Variants in BRD2 observed in about 807,000 individuals in gnomAD.
The protein encoded by BRD2 is bromodomain-containing protein 2.
BRD2 carries 15 observed loss-of-function variants against 79.1 expected under a neutral mutation model. The observed-to-expected ratio is 0.19, with a 90% confidence interval of 0.13 to 0.29. The LOEUF (loss-of-function observed/expected upper bound fraction) is 0.29. Ranked by LOEUF, BRD2 falls within the 10% of genes least tolerant of loss-of-function variation. The probability of loss-of-function intolerance (pLI) is 1.00; values close to 1 mark genes in which losing one functional copy is unlikely to be tolerated. For synonymous variants in BRD2, 488 were observed against 358.6 expected (o/e 1.36, Z -4.08); for missense variants, 1,053 against 991.3 (o/e 1.06, Z -0.84).
Position 32,980,806 on chromosome 6 carries a change from A to G in BRD2, c.*88A>G, listed in dbSNP as rs1032805988. On this transcript the variant is annotated 3_prime_UTR_variant, in exon 13 of 13. Coordinates refer to ENST00000374825, the MANE Select transcript of BRD2 (RefSeq NM_005104.4). ...ACCTGCCCCTTCCCCCTTTGCTGTG[A>G]CACTTCTTCATCTCACCCCCCCCCG... 7.3e-6 allele frequency: 11 copies of G among 1,499,640 alleles called. No individual in the cohort carries two copies. The Admixed American group carries it at 1.2e-4, about 17-fold the overall frequency. The allele number at this position is 1,499,640 out of a possible 1,614,324, so 92.9% of individuals were successfully genotyped here. A position where few individuals can be genotyped will look rare whatever the true frequency, so the allele number is the denominator to read the frequency against.
chr6:32,980,315 T>C (rs377343726), intron 11 of BRD2, 27 bp from the exon 12 acceptor site: 28 of 1,611,768 alleles, frequency 1.7e-5, no homozygotes, highest in Non-Finnish European at 2.2e-5. Flanking sequence ...GCAATCTTAA[T>C]GTATCCTGAT....
intron 12 of BRD2, 57 bp downstream of exon 12, chr6:32,980,521 CT>C: frequency 2.5e-6 from 4 of 1,612,362 alleles, no homozygotes; most frequent in South Asian, 1.1e-5. Context: ...TCTTGACTGT[CT>C]TTTATTGACA....
rs758763027 is a variant in BRD2, at chr6:32,972,866, G to C, written c.-33G>C. The C allele has an allele frequency of 5.6e-6, 9 of 1,613,942 alleles. No individual in the cohort carries two copies. The highest frequency in any genetic ancestry group is 5.9e-6 in the Non-Finnish European group (7 of 1,179,978). ...AACCGAGGCCACCCGGACTTTCCGC[G>C]GCTGAGGGCAGCGCCGGTTCCTTGC... On this transcript the variant is annotated 5_prime_UTR_variant, in exon 2 of 13. Transcript: ENST00000374825.
intron 1 of BRD2, among the ~76,000 whole-genome samples, chr6:32,969,600 G>C (rs1777766935): frequency 6.6e-6 from 1 of 152,210 alleles, no homozygotes; most frequent in African/African-American, 2.4e-5. Context: ...GTTACGCTTC[G>C]AGTCGCTTAC....
rs768036257 is a variant in BRD2, at chr6:32,980,109, G to A, written c.2123G>A (p.Arg708His). 1.7e-5 allele frequency: 28 copies of A among 1,612,088 alleles called. No homozygotes were observed. The highest frequency in any genetic ancestry group is 1.6e-4 in the Middle Eastern group (1 of 6,084). Residue 708 changes from arginine (R) to histidine (H), a missense_variant, in exon 11 of 13, where the codon CGT (arginine) becomes CAT (histidine). Coordinates refer to ENST00000374825, the MANE Select transcript of BRD2 (RefSeq NM_005104.4). ...ELERYVLSCL[R>H]KKPRKPYTIK... ...GAGCGCTATGTCCTTTCCTGCCTAC[G>A]TAAGAAACCCCGGAAGCCCTACAGT...
rs1198721077 is a variant in BRD2, at chr6:32,976,261, A to G, written c.622A>G (p.Ser208Gly). ...KGAKLAALQG[S>G]VTSAHQVPAV... ...TTCCTTTTTTCTAGCGCTCCAGGGCAGTGTTACCAGTGCCCATCAGGTGCC... is the reference window on the plus strand; with the variant it reads ...TTCCTTTTTTCTAGCGCTCCAGGGCGGTGTTACCAGTGCCCATCAGGTGCC... Residue 208 changes from serine (S) to glycine (G), a missense_variant, in exon 6 of 13, where the codon AGT becomes GGT. Transcript: ENST00000374825. 1 of 1,612,862 alleles carries G rather than the reference A, an allele frequency of 6.2e-7. No individual in the cohort carries two copies. The highest frequency in any genetic ancestry group is 8.5e-7 in the Non-Finnish European group (1 of 1,179,962).
rs576064051 is a variant in BRD2, at chr6:32,972,485, T to C, written c.-414T>C. ...GAGGCGGCGGCTCCCTAAACCACTT[T>C]TCGTGTTCATCCGCCTCCATCCGAG... On this transcript the variant is annotated 5_prime_UTR_variant, in exon 2 of 13. Transcript: ENST00000374825. 2.3e-5 allele frequency: 7 copies of C among 300,562 alleles called. No individual in the cohort carries two copies. The highest frequency in any genetic ancestry group is 1.5e-4 in the Admixed American group (3 of 20,430). 18.6% of individuals were successfully genotyped at this position (300,562 alleles called of 1,614,324 possible). A position where few individuals can be genotyped will look rare whatever the true frequency, so the allele number is the denominator to read the frequency against.
intron 7 of BRD2, chr6:32,977,215 G>A: frequency 1.3e-6 from 2 of 1,513,760 alleles, no homozygotes; most frequent in Non-Finnish European, 1.8e-6. Context: ...GGAAAAACAG[G>A]CATAGGCCAC....
In BRD2 at chr6:32,979,865, C is replaced by T; in HGVS notation, c.1879C>T (p.Leu627=). Residue 627 remains leucine (L), a synonymous_variant, in exon 11 of 13, where the codon CTG becomes TTG. Coordinates refer to ENST00000374825, the MANE Select transcript of BRD2 (RefSeq NM_005104.4). ...KKATKTAPPA[L]PTGYDSEEEE... ...GGCCACAAAGACAGCCCCACCTGCC[C>T]TGCCTACAGGTTATGATTCAGAGGA... 1 of 1,612,984 alleles carries T rather than the reference C, an allele frequency of 6.2e-7. No homozygotes were observed. The highest frequency in any genetic ancestry group is 8.5e-7 in the Non-Finnish European group (1 of 1,179,928).
rs1451591012 is a variant in BRD2 at position 32,976,426 on chromosome 6, G to C, written c.787G>C (p.Ala263Pro). 1 of 1,611,750 alleles carries C rather than the reference G, an allele frequency of 6.2e-7. No homozygotes were observed. Among genetic ancestry groups the C allele is most frequent in the Non-Finnish European group, 8.5e-7 (1 of 1,180,034 alleles). Residue 263 changes from alanine to proline, a missense_variant, in exon 6 of 13, where the codon GCT (alanine) becomes CCT (proline). Physicochemically the swap from Ala to Pro is conservative, Grantham distance 27. This residue lies in a region of BRD2 where 413 missense variants were observed against 335.1 expected (regional missense o/e 1.23). Transcript: ENST00000374825. ...SLHSAGPPLL[A>P]VTAAPPAQPL... is the part of the protein sequence containing the mutation. ...GCACTCTGCTGGACCCCCGCTCCTT[G>C]CTGTTACTGCAGCTCCTCCAGCCCA...
chr6:32,975,233 C>A, intron 3 of BRD2, 151 bp from the exon 4 acceptor site: 1 of 1,202,648 alleles, frequency 8.3e-7, no homozygotes, highest in Non-Finnish European at 1.1e-6. Context: ...TTTTGTCCCA[C>A]AGTTTAATTG....
rs1778758346 is a variant in BRD2 at position 32,976,382 on chromosome 6, C to T, written c.743C>T (p.Ser248Phe). The change falls in exon 6 of 13, where the codon TCT (serine) becomes TTT (phenylalanine). Residue 248 changes from serine to phenylalanine, a missense_variant. By Grantham distance (155) the Ser-to-Phe change is radical (BLOSUM62 -2). Around this residue, in one of 5 missense-constraint regions of BRD2, gnomAD observed 413 missense variants for 335.1 expected, o/e 1.23. Transcript: ENST00000374825. The part of the protein sequence containing the change: ...LNIPHPSVIS[S>F]PLLKSLHSAG... ...ATTCCCCACCCATCAGTCATTTCCT[C>T]TCCACTTCTCAAGTCCTTGCACTCT... is the stretch of plus-strand genomic sequence containing the variant. 1.2e-6 allele frequency: 2 copies of T among 1,613,046 alleles called. No homozygotes were observed. The highest frequency in any genetic ancestry group is 2.2e-5 in the South Asian group (2 of 91,082).
rs768201728 is a variant in BRD2 at position 32,968,747 on chromosome 6, C to T, written c.-1614C>T. The T allele has an allele frequency of 6.5e-6, 1 of 153,548 alleles. No homozygotes were observed. Among genetic ancestry groups the T allele is most frequent in the Non-Finnish European group, 1.5e-5 (1 of 68,668 alleles). 9.5% of individuals were successfully genotyped at this position (153,548 alleles called of 1,614,324 possible). A position where few individuals can be genotyped will look rare whatever the true frequency, so the allele number is the denominator to read the frequency against. ...GGGACATAGGCCTGGGCCATGCGGCCCCCTTGGCCCCTTGGCGCGACCCCC... is the reference window on the plus strand; with the variant it reads ...GGGACATAGGCCTGGGCCATGCGGCTCCCTTGGCCCCTTGGCGCGACCCCC... On this transcript the variant is annotated 5_prime_UTR_variant, in exon 1 of 13. Transcript: ENST00000374825.
chr6:32,969,409 G>A, intron 1 of BRD2: 1 of 714,432 alleles, frequency 1.4e-6, no homozygotes. Flanking sequence ...GGGCTGAGGA[G>A]TGGTGGCTGT....
rs1379120855 is a variant in BRD2, at chr6:32,971,694, C to A, written c.-1205C>A. 7.7e-6 allele frequency: 4 copies of A among 519,878 alleles called. No individual in the cohort carries two copies. The highest frequency in any genetic ancestry group is 1.4e-5 in the Non-Finnish European group (4 of 295,432). 32.2% of individuals were successfully genotyped at this position (519,878 alleles called of 1,614,324 possible). On this transcript the variant is annotated 5_prime_UTR_variant, in exon 2 of 13. Transcript: ENST00000374825. ...TCAGGCAGGCTACGCCCACGCGACC[C>A]CTCCCGTTTCCCTGCTTTGGCCAAT...
At chr6:32,974,949 C>A in intron 3 of BRD2, 184 bp downstream of exon 3, 2 of 1,427,664 alleles carry the variant, frequency 1.4e-6, no homozygotes, top group Non-Finnish European at 1.9e-6. Context: ...CTTGCTGTAA[C>A]TATCTTGGCA....
Position 32,972,883 on chromosome 6 carries a change from G to C in BRD2, c.-16G>C, listed in dbSNP as rs1778209559. On this transcript the variant is annotated 5_prime_UTR_variant, in exon 2 of 13. Coordinates refer to ENST00000374825, the MANE Select transcript of BRD2 (RefSeq NM_005104.4). ...CTTTCCGCGGCTGAGGGCAGCGCCG[G>C]TTCCTTGCGGTCAAGATGCTGCAAA... 6.2e-7 allele frequency: 1 copy of C among 1,613,920 alleles called. No homozygotes were observed. The highest frequency in any genetic ancestry group is 1.3e-5 in the African/African-American group (1 of 74,934).
intron 1 of BRD2, among the ~76,000 whole-genome samples, chr6:32,969,723 G>A (rs940061639): frequency 2.0e-5 from 3 of 152,198 alleles, no homozygotes; most frequent in African/African-American, 7.2e-5. Flanking sequence ...GAAAGCTTGA[G>A]GTCTGCTTAG....
At chr6:32,973,104 G>A in intron 2 of BRD2, 177 bp downstream of exon 2, 1 of 1,560,118 alleles carries the variant, frequency 6.4e-7, no homozygotes, top group Non-Finnish European at 8.7e-7. Flanking sequence ...TGGCGGCTCG[G>A]CTACTGCTCG....
Sources: gnomAD v4.1 joint callset for allele counts (sites outside exome capture counted in the v4.1 genomes callset) on GRCh38, gnomAD v4.1.1 for gene constraint, gnomAD v4.1.1 regional missense constraint, MANE v1.5 for transcripts, NCBI Gene and HGNC (gene_info 2026-07-23, HGNC 2026-07-21) for gene names.